ETS1: variants seen among roughly 807,000 people sequenced by gnomAD.
The protein encoded by ETS1 is ETS proto-oncogene 1, transcription factor, also known as protein C-ets-1.
A neutral mutation model predicts 58.6 loss-of-function variants in ETS1; 15 were observed. That is an observed-to-expected ratio of 0.26 (90% CI 0.17 to 0.39). ETS1 has a LOEUF of 0.39. Ranked by LOEUF, ETS1 falls within the 10% of genes least tolerant of loss-of-function variation. The pLI, the probability that ETS1 is intolerant of heterozygous loss-of-function variation, is 1.00. For missense variants in ETS1, 417 were observed against 610.5 expected (o/e 0.68, Z 3.34); for synonymous variants, 214 against 218.2 (o/e 0.98, Z 0.17).
chr11:128,493,657 G>C (rs937303743), intron 3 of ETS1, among the ~76,000 whole-genome samples: 5 of 152,162 alleles, frequency 3.3e-5, no homozygotes, highest in Non-Finnish European at 7.3e-5. Flanking sequence ...AAAGGATTCA[G>C]ATGTAAAAGT....
chr11:128,577,885 G>A lies in ETS1; in HGVS notation c.-14-4741C>T, dbSNP rs369043711. ...CAGCTGATGTTCAAGCAGTTGTCACGTGGGAGGGAATTCTCTTCTGCCAAA... is the reference window on the plus strand; with the variant it reads ...CAGCTGATGTTCAAGCAGTTGTCACATGGGAGGGAATTCTCTTCTGCCAAA... On this transcript the variant is annotated intron_variant, in intron 1 of 9. Transcript: ENST00000392668. Among the ~76,000 whole-genome samples the A allele has an allele frequency of 5.3e-5, 8 of 150,232 alleles. No homozygotes were observed. The South Asian group carries it at 6.3e-4, about 12-fold the overall frequency.
In ETS1 at chr11:128,549,566, G is replaced by C. The variant is rs1045144076; in HGVS notation, c.214+6725C>G. On this transcript the variant is annotated intron_variant, in intron 3 of 9. Coordinates refer to ENST00000392668, the MANE Select transcript of ETS1 (RefSeq NM_001143820.2). The surrounding 1 kb of genome is among the most constrained non-coding windows in gnomAD (Gnocchi z 4.3). Reference sequence around the variant, plus strand: ...AGCCCCCTGGGAGTCCCAGCGCAATGCTGTTACTTCCTAGGATGTTCGAGA... The same window carrying C: ...AGCCCCCTGGGAGTCCCAGCGCAATCCTGTTACTTCCTAGGATGTTCGAGA... Among the ~76,000 whole-genome samples, 1 of 152,220 alleles carries C rather than the reference G, an allele frequency of 6.6e-6. No individual in the cohort carries two copies. The highest frequency in any genetic ancestry group is 2.4e-5 in the African/African-American group (1 of 41,464).
At chr11:128,548,112 GAAGGA>G (rs139704582) in intron 3 of ETS1, among the ~76,000 whole-genome samples, 3,128 of 97,756 alleles carry the variant, frequency 0.032, 99 homozygotes, top group Middle Eastern at 0.056. Context: ...AAAGGAAAGG[GAAGGA>G]AAGGAAAGGA....
intron 1 of ETS1, among the ~76,000 whole-genome samples, chr11:128,582,620 T>C (rs1864896882): frequency 6.6e-6 from 1 of 152,212 alleles, no homozygotes; most frequent in African/African-American, 2.4e-5. Flanking sequence ...ATTCAAGTCA[T>C]GAAAACAGGA....
At chr11:128,566,796 A>G (rs1864512546) in intron 2 of ETS1, among the ~76,000 whole-genome samples, 1 of 152,082 alleles carries the variant, frequency 6.6e-6, no homozygotes, top group African/African-American at 2.4e-5. Flanking sequence ...AAAAAAAAAA[A>G]AAGAGTACCA....
intron 3 of ETS1, among the ~76,000 whole-genome samples, chr11:128,542,049 C>T (rs1016168274): frequency 6.6e-6 from 1 of 152,118 alleles, no homozygotes; most frequent in Admixed American, 6.5e-5. Flanking sequence ...TACAGGACCC[C>T]CCATTTTCCT....
intron 2 of ETS1, among the ~76,000 whole-genome samples, chr11:128,572,538 T>G (rs1864658096): frequency 6.6e-6 from 1 of 152,232 alleles, no homozygotes; most frequent in Non-Finnish European, 1.5e-5. Flanking sequence ...TCTTCTCACC[T>G]ATGGACAAAA....
intron 3 of ETS1, among the ~76,000 whole-genome samples, chr11:128,551,415 T>C (rs1864227722): frequency 6.6e-6 from 1 of 152,214 alleles, no homozygotes; most frequent in African/African-American, 2.4e-5. Flanking sequence ...ACTCGGAATC[T>C]CAGCGTATCT....
chr11:128,490,302 G>T (rs1363382316), intron 4 of ETS1, among the ~76,000 whole-genome samples, 155 bp downstream of exon 4: 2 of 152,206 alleles, frequency 1.3e-5, no homozygotes, highest in African/African-American at 4.8e-5. Flanking sequence ...CTCAGTATGT[G>T]TGTCATGATT....
At chr11:128,523,427 C>G (rs1033058931) in intron 3 of ETS1, among the ~76,000 whole-genome samples, 12 of 152,234 alleles carry the variant, frequency 7.9e-5, no homozygotes, top group Non-Finnish European at 1.8e-4. Context: ...AGGCACTGAG[C>G]TCCATCTTTG....
chr11:128,464,863 C>T lies in ETS1; in HGVS notation c.1124-1236G>A, dbSNP rs770170793. 3.3e-5 allele frequency among the ~76,000 whole-genome samples: 5 copies of T among 152,322 alleles called. No individual in the cohort carries two copies. The highest frequency in any genetic ancestry group is 7.2e-5 in the African/African-American group (3 of 41,568). The stretch of plus-strand genomic sequence containing the variant: ...TATTTCTACAAGACATTTTCACATG[C>T]ATCGTTGTGCTTGCTCCTAAAATCC... On this transcript the variant is annotated intron_variant, in intron 8 of 9. Transcript: ENST00000392668. The surrounding 1 kb of genome is among the most constrained non-coding windows in gnomAD (Gnocchi z 4.1).
intron 5 of ETS1, among the ~76,000 whole-genome samples, chr11:128,486,799 G>A (rs1440133061): frequency 6.6e-6 from 1 of 152,204 alleles, no homozygotes; most frequent in African/African-American, 2.4e-5. Context: ...GGAGAGGAAG[G>A]GAGACGAAGT....
chr11:128,551,305 A>C (rs79945707), intron 3 of ETS1, among the ~76,000 whole-genome samples: 2,164 of 152,320 alleles, frequency 0.014, 33 homozygotes, highest in African/African-American at 0.042. Flanking sequence ...TCCTGCTGAG[A>C]CATCCCACCT....
At chr11:128,580,220 G>A (rs1469584720) in intron 1 of ETS1, among the ~76,000 whole-genome samples, 1 of 145,434 alleles carries the variant, frequency 6.9e-6, no homozygotes, top group African/African-American at 2.5e-5. Context: ...GATGAAGTGT[G>A]TCCTTGTGTG....
intron 7 of ETS1, among the ~76,000 whole-genome samples, chr11:128,482,819 A>G (rs2135446569): frequency 6.6e-6 from 1 of 152,290 alleles, no homozygotes; most frequent in East Asian, 1.9e-4. Context: ...AGCTCCTTCC[A>G]AAGCTATCTG....
intron 6 of ETS1, 59 bp from the exon 7 acceptor site, chr11:128,485,130 T>G (rs1862593141): frequency 6.6e-7 from 1 of 1,507,720 alleles, no homozygotes; most frequent in Non-Finnish European, 9.1e-7. Context: ...AATAAGCAGT[T>G]TTCACCATCT....
At chr11:128,472,321 A>T (rs985292830) in intron 8 of ETS1, among the ~76,000 whole-genome samples, 1 of 152,220 alleles carries the variant, frequency 6.6e-6, no homozygotes, top group East Asian at 1.9e-4. Flanking sequence ...TTTCACATTC[A>T]ATCACTCTAG....
intron 8 of ETS1, among the ~76,000 whole-genome samples, chr11:128,466,339 T>A (rs1862034512): frequency 6.6e-6 from 1 of 152,122 alleles, no homozygotes; most frequent in African/African-American, 2.4e-5. Flanking sequence ...AAGATCGAGA[T>A]CCTTCCCCCG....
chr11:128,542,646 C>A (rs180977453), intron 3 of ETS1, among the ~76,000 whole-genome samples: 2 of 152,162 alleles, frequency 1.3e-5, no homozygotes, highest in Admixed American at 6.5e-5. Context: ...CTGATAGTGA[C>A]CTTCATCAAA....
Sources: gnomAD v4.1 joint callset for allele counts (sites outside exome capture counted in the v4.1 genomes callset) on GRCh38, gnomAD v4.1.1 for gene constraint, Gnocchi (gnomAD v3.1) non-coding constraint, MANE v1.5 for transcripts, NCBI Gene and HGNC (gene_info 2026-07-23, HGNC 2026-07-21) for gene names.